The following TNR variants were observed in gnomAD, a reference collection of about 807,000 sequenced individuals.
TNR encodes the protein tenascin-R.
In TNR, 45 loss-of-function variants were observed where a neutral mutation model predicts 150.4. The observed-to-expected ratio is 0.30, with a 90% CI of 0.24 to 0.38. The LOEUF is 0.38. TNR is among the 10% of genes least tolerant of loss of function. TNR has a pLI of 1.00. For synonymous variants in TNR, 687 were observed against 678.4 expected, an observed-to-expected ratio of 1.01 and a Z score of -0.20; for missense variants, 1,544 against 1,759.1, an observed-to-expected ratio of 0.88 and a Z score of 2.19.
intron 5 of TNR, 77 bp downstream of exon 5, chr1:175,396,467 G>T (rs1052147808): frequency 1.3e-6 from 2 of 1,522,486 alleles, no homozygotes; most frequent in Admixed American, 1.9e-5. Context: ...ACTAAGAAAA[G>T]ACGCTACTAT....
chr1:175,414,516 G>A (rs892725402), intron 2 of TNR, among the ~76,000 whole-genome samples: 2 of 152,334 alleles, frequency 1.3e-5, no homozygotes, highest in East Asian at 1.9e-4. Context: ...CAAGAGATCC[G>A]TGCATTTCCA....
At chr1:175,451,815 A>T (rs1476256711) in intron 2 of TNR, among the ~76,000 whole-genome samples, 4 of 152,202 alleles carry the variant, frequency 2.6e-5, no homozygotes, top group African/African-American at 9.6e-5. Context: ...GGAGAGACAC[A>T]GACTAATGCG....
Position 175,529,929 on chromosome 1 carries a change from C to T in TNR, c.-164-1560G>A, listed in dbSNP as rs150535416. Among the ~76,000 whole-genome samples, 40 of 152,312 alleles carry T rather than the reference C, an allele frequency of 2.6e-4. No homozygotes were observed. The East Asian group carries it at 7.7e-3, about 29-fold the overall frequency. On this transcript the variant is annotated intron_variant, in intron 1 of 22. Coordinates refer to ENST00000367674, the MANE Select transcript of TNR (RefSeq NM_003285.3). ...AAAAACACCGGGTACTTTTGACATG[C>T]TATTTTATTGTTACCTATTTCTCCA...
At chr1:175,325,169 T>C (rs1649298930) in intron 21 of TNR, among the ~76,000 whole-genome samples, 1 of 152,084 alleles carries the variant, frequency 6.6e-6, no homozygotes, top group Non-Finnish European at 1.5e-5. Flanking sequence ...AAATATTTGA[T>C]GGGCTATTGA....
At chr1:175,407,885 G>C (rs1649094205) in intron 2 of TNR, among the ~76,000 whole-genome samples, 2 of 152,302 alleles carry the variant, frequency 1.3e-5, no homozygotes, top group African/African-American at 4.8e-5. Context: ...ATGTCCCAGG[G>C]CTTTTCTTGA....
At chr1:175,738,967 G>T (rs143372056) in intron 1 of TNR, among the ~76,000 whole-genome samples, 2 of 152,302 alleles carry the variant, frequency 1.3e-5, no homozygotes, top group African/African-American at 4.8e-5. Flanking sequence ...ACTGGAATTG[G>T]CTTGTGGGCA....
At chr1:175,430,945 T>C (rs1231259116) in intron 2 of TNR, among the ~76,000 whole-genome samples, 1 of 152,182 alleles carries the variant, frequency 6.6e-6, no homozygotes, top group African/African-American at 2.4e-5. Flanking sequence ...ATTTAAAGTA[T>C]TTTGGAGTCT....
At chr1:175,422,094 G>A (rs987166247) in intron 2 of TNR, among the ~76,000 whole-genome samples, 5 of 152,182 alleles carry the variant, frequency 3.3e-5, no homozygotes, top group Admixed American at 6.5e-5. Flanking sequence ...AAGCCTTTAG[G>A]TGAGGGCACC....
At chr1:175,632,986 G>T (rs1344694290) in intron 1 of TNR, among the ~76,000 whole-genome samples, 1 of 152,184 alleles carries the variant, frequency 6.6e-6, no homozygotes, top group Non-Finnish European at 1.5e-5. Context: ...TCACTGTAGG[G>T]AAGAAACTTC....
intron 1 of TNR, among the ~76,000 whole-genome samples, chr1:175,705,927 G>T (rs371844168): frequency 4.6e-5 from 7 of 152,252 alleles, no homozygotes; most frequent in African/African-American, 1.2e-4. Context: ...GTTCTCAAAA[G>T]ATATTTCCCA....
At chr1:175,602,853 A>G (rs1230008628) in intron 1 of TNR, among the ~76,000 whole-genome samples, 1 of 152,194 alleles carries the variant, frequency 6.6e-6, no homozygotes, top group Non-Finnish European at 1.5e-5. Context: ...CAAACAGCTC[A>G]TTTCCAATAA....
intron 19 of TNR, among the ~76,000 whole-genome samples, chr1:175,336,648 G>A (rs1650266802): frequency 6.6e-6 from 1 of 152,242 alleles, no homozygotes; most frequent in African/African-American, 2.4e-5. Flanking sequence ...GGCATGGGAG[G>A]AGGGTGGTGA....
intron 1 of TNR, among the ~76,000 whole-genome samples, chr1:175,559,913 A>G (rs1661354899): frequency 6.6e-6 from 1 of 152,130 alleles, no homozygotes. Context: ...TCATCATTGT[A>G]TTTGTCCTCC....
chr1:175,382,334 G>A (rs1248444929), intron 8 of TNR, among the ~76,000 whole-genome samples: 1 of 152,204 alleles, frequency 6.6e-6, no homozygotes, highest in Non-Finnish European at 1.5e-5. Context: ...CATTGAGAAT[G>A]CTTGGGGTGA....
rs550698959 is a variant in TNR, at chr1:175,599,353, C to A, written c.-164-70984G>T. ...GACCGCATAGGGGCCCTGAGAGGCA[C>A]ACACGCGCCTTCTGCTCACACCTCA... On this transcript the variant is annotated intron_variant, in intron 1 of 22. Transcript: ENST00000367674. The surrounding 1 kb of genome is among the most constrained non-coding windows in gnomAD (Gnocchi z 4.7). Among the ~76,000 whole-genome samples, 1 of 152,326 alleles carries A rather than the reference C, an allele frequency of 6.6e-6. No individual in the cohort carries two copies. Among genetic ancestry groups the A allele is most frequent in the Admixed American group, 6.5e-5 (1 of 15,308 alleles).
chr1:175,372,227 C>A (rs1186928521), intron 9 of TNR, among the ~76,000 whole-genome samples: 3 of 152,230 alleles, frequency 2.0e-5, no homozygotes, highest in Admixed American at 2.0e-4. Flanking sequence ...CTCTGCAGAA[C>A]TGTAAGCCAG....
chr1:175,454,477 T>C (rs1656471544), intron 2 of TNR, among the ~76,000 whole-genome samples: 5 of 151,986 alleles, frequency 3.3e-5, no homozygotes, highest in Admixed American at 2.6e-4. Flanking sequence ...TTCATTCATT[T>C]ATTTATTTTT....
At chr1:175,487,862 A>T (rs1368531673) in intron 2 of TNR, among the ~76,000 whole-genome samples, 4 of 152,156 alleles carry the variant, frequency 2.6e-5, no homozygotes, top group Admixed American at 2.6e-4. Flanking sequence ...ATTTCTCCTG[A>T]TCACTTATCA....
At chr1:175,602,895 G>T (rs1460228649) in intron 1 of TNR, among the ~76,000 whole-genome samples, 1 of 151,992 alleles carries the variant, frequency 6.6e-6, no homozygotes, top group Non-Finnish European at 1.5e-5. Flanking sequence ...ATATTTGAGG[G>T]TACTAATTTT....
Sources: gnomAD v4.1 joint callset for allele counts (sites outside exome capture counted in the v4.1 genomes callset) on GRCh38, gnomAD v4.1.1 for gene constraint, Gnocchi (gnomAD v3.1) non-coding constraint, MANE v1.5 for transcripts, NCBI Gene and HGNC (gene_info 2026-07-23, HGNC 2026-07-21) for gene names.